The following PPM1D variants were observed in gnomAD, a reference collection of about 807,000 sequenced individuals.
PPM1D encodes the protein protein phosphatase, Mg2+/Mn2+ dependent 1D, also known as protein phosphatase 1D.
A neutral mutation model predicts 58.3 loss-of-function variants in PPM1D; 52 were observed. The observed-to-expected ratio is 0.89, with a 90% CI of 0.71 to 1.12. The LOEUF is 1.12. PPM1D is among the 50% of genes most tolerant of loss of function. The pLI is 0.00. For missense variants in PPM1D, 564 were observed against 777.2 expected (o/e 0.73, Z 3.26); for synonymous variants, 278 against 285.1 (o/e 0.98, Z 0.25).
intron 1 of PPM1D, among the ~76,000 whole-genome samples, chr17:60,603,822 A>G (rs1244630783): frequency 6.6e-6 from 1 of 151,926 alleles, no homozygotes; most frequent in African/African-American, 2.4e-5. Flanking sequence ...CTCTTGCGCT[A>G]TTTGGTTGAA....
In PPM1D at chr17:60,665,811, G is replaced by A. The variant is rs963224302; in HGVS notation, c.*2259G>A. 6.6e-6 allele frequency: 1 copy of A among 152,192 alleles called. No homozygotes were observed. The highest frequency in any genetic ancestry group is 2.4e-5 in the African/African-American group (1 of 41,460). 9.4% of individuals were successfully genotyped at this position (152,192 alleles called of 1,614,324 possible). A position where few individuals can be genotyped will look rare whatever the true frequency, so the allele number is the denominator to read the frequency against. ...AGATCTGCTTCCCGCAAGACTCACA[G>A]CTGTTGGCAGGAGACCTCAGTTTGT... On this transcript the variant is annotated 3_prime_UTR_variant, in exon 6 of 6. Coordinates refer to ENST00000305921, the MANE Select transcript of PPM1D (RefSeq NM_003620.4).
chr17:60,635,458 G>GC (rs2031005526), intron 3 of PPM1D, among the ~76,000 whole-genome samples: 1 of 151,948 alleles, frequency 6.6e-6, no homozygotes, highest in Non-Finnish European at 1.5e-5. Flanking sequence ...CAGGTGATCT[G>GC]CCCGCCTTGG....
chr17:60,625,094 A>G (rs2030779836), intron 2 of PPM1D, among the ~76,000 whole-genome samples: 2 of 152,142 alleles, frequency 1.3e-5, no homozygotes, highest in African/African-American at 4.8e-5. Flanking sequence ...GTGAGCTGAG[A>G]TTGCGCCACT....
intron 2 of PPM1D, among the ~76,000 whole-genome samples, chr17:60,627,805 T>C (rs72843555): frequency 1.3e-5 from 2 of 152,182 alleles, no homozygotes; most frequent in African/African-American, 2.4e-5. Context: ...TCTTAAGGTA[T>C]CTGAAACTTT....
chr17:60,618,212 G>A (rs2030625104), intron 1 of PPM1D, among the ~76,000 whole-genome samples: 1 of 152,152 alleles, frequency 6.6e-6, no homozygotes, highest in Non-Finnish European at 1.5e-5. Flanking sequence ...GGGCTCAAGC[G>A]ATCCCCCTGC....
intron 1 of PPM1D, among the ~76,000 whole-genome samples, chr17:60,609,391 C>T (rs768538123): frequency 6.6e-6 from 1 of 152,106 alleles, no homozygotes; most frequent in Non-Finnish European, 1.5e-5. Context: ...CCGTGCCCAG[C>T]CTGCATGGTT....
intron 2 of PPM1D, among the ~76,000 whole-genome samples, chr17:60,626,768 T>C (rs1337527179): frequency 6.6e-6 from 1 of 152,022 alleles, no homozygotes; most frequent in Non-Finnish European, 1.5e-5. Context: ...GGTCTTGAAC[T>C]CCTAGGCTCA....
intron 1 of PPM1D, among the ~76,000 whole-genome samples, chr17:60,606,040 C>T (rs933081010): frequency 6.6e-5 from 10 of 152,236 alleles, no homozygotes; most frequent in African/African-American, 2.2e-4. Flanking sequence ...AATAGAAACT[C>T]TGTGTCCATT....
At chr17:60,649,400 C>G (rs1400884543) in intron 4 of PPM1D, among the ~76,000 whole-genome samples, 1 of 152,074 alleles carries the variant, frequency 6.6e-6, no homozygotes, top group Non-Finnish European at 1.5e-5. Context: ...TAAATTGCCT[C>G]CATTCATTCC....
At position 60,633,883 on chromosome 17, in the gene PPM1D, A is replaced by G; in HGVS notation, c.732A>G (p.Val244=). 1 of 1,613,494 alleles carries G rather than the reference A, an allele frequency of 6.2e-7. No individual in the cohort carries two copies. Among genetic ancestry groups the G allele is most frequent in the Non-Finnish European group, 8.5e-7 (1 of 1,179,470 alleles). Residue 244 remains valine, a synonymous_variant, in exon 3 of 6, where the codon GTA becomes GTG. Coordinates refer to ENST00000305921, the MANE Select transcript of PPM1D (RefSeq NM_003620.4). ...SVMNKSGVNR[V]VWKRPRLTHN... is the part of the protein sequence containing the mutation. ...TGAACAAGTCTGGGGTGAATCGTGTAGTTTGGAAACGACCTCGACTCACTC... is the reference window on the plus strand; with the variant it reads ...TGAACAAGTCTGGGGTGAATCGTGTGGTTTGGAAACGACCTCGACTCACTC...
intron 5 of PPM1D, among the ~76,000 whole-genome samples, chr17:60,659,879 G>A (rs1178422053): frequency 6.6e-6 from 1 of 152,098 alleles, no homozygotes; most frequent in Non-Finnish European, 1.5e-5. Flanking sequence ...AGAAAGTAGG[G>A]GAAGGGAAGC....
chr17:60,629,865 C>T (rs1259220471), intron 2 of PPM1D, among the ~76,000 whole-genome samples: 1 of 152,082 alleles, frequency 6.6e-6, no homozygotes, highest in African/African-American at 2.4e-5. Context: ...TGGCGAAACC[C>T]TATCTCTACT....
At chr17:60,635,257 C>T (rs2031001733) in intron 3 of PPM1D, among the ~76,000 whole-genome samples, 1 of 151,732 alleles carries the variant, frequency 6.6e-6, no homozygotes, top group African/African-American at 2.4e-5. Context: ...CTCTTGTTCC[C>T]CAGGCTGGAG....
chr17:60,619,421 A>AT (rs1491543569), intron 1 of PPM1D, among the ~76,000 whole-genome samples: 32 of 152,138 alleles, frequency 2.1e-4, no homozygotes, highest in African/African-American at 7.7e-4. Context: ...TTCCTGAGTC[A>AT]TATGGTACTT....
intron 3 of PPM1D, among the ~76,000 whole-genome samples, chr17:60,638,370 A>AT (rs2031066426): frequency 6.6e-6 from 1 of 151,888 alleles, no homozygotes; most frequent in Non-Finnish European, 1.5e-5. Context: ...CACTTGGAAA[A>AT]ATTTTTTTTT....
In PPM1D at chr17:60,600,554, A is replaced by AGCCGTTGCCTCC. The variant is rs1567962216; in HGVS notation, c.143_154dup (p.Pro48_Pro51dup). 5 of 1,553,250 alleles carry AGCCGTTGCCTCC rather than the reference A, an allele frequency of 3.2e-6. No individual in the cohort carries two copies. In the South Asian group the frequency reaches 5.9e-5, roughly 18 times the overall value. ...CCCTCGCCGCGGCGGTCGCTGTCTC[A>AGCCGTTGCCTCC]GCCGTTGCCTCCGCGGCCGTCGCCG... On this transcript the variant is annotated inframe_insertion, in exon 1 of 6. Coordinates refer to ENST00000305921, the MANE Select transcript of PPM1D (RefSeq NM_003620.4).
intron 2 of PPM1D, among the ~76,000 whole-genome samples, chr17:60,628,161 T>G (rs968905813): frequency 6.6e-6 from 1 of 152,246 alleles, no homozygotes; most frequent in Non-Finnish European, 1.5e-5. Flanking sequence ...AATTGAATGC[T>G]TTTTAAAAAT....
chr17:60,604,993 A>AT (rs533823038), intron 1 of PPM1D, among the ~76,000 whole-genome samples: 7,399 of 151,610 alleles, frequency 0.049, 608 homozygotes, highest in African/African-American at 0.17. Context: ...TAATTTTTGT[A>AT]TTTTTTTTAG....
Position 60,600,293 on chromosome 17 carries a change from C to A in PPM1D, c.-122C>A, listed in dbSNP as rs2030173215. On this transcript the variant is annotated 5_prime_UTR_variant, in exon 1 of 6. Transcript: ENST00000305921. ...GCGCGCCCCCCCTTCTCCGGGTCCGCCCCCTCCCCCTTCTCGGCGTCGTCG... is the reference window on the plus strand; with the variant it reads ...GCGCGCCCCCCCTTCTCCGGGTCCGACCCCTCCCCCTTCTCGGCGTCGTCG... The A allele has an allele frequency of 2.8e-6, 4 of 1,449,644 alleles. No individual in the cohort carries two copies. In the Admixed American group the frequency reaches 1.1e-4, roughly 38 times the overall value. 89.8% of individuals were successfully genotyped at this position (1,449,644 alleles called of 1,614,324 possible).
Sources: allele counts gnomAD v4.1 joint callset (sites outside exome capture counted in the v4.1 genomes callset), GRCh38; gene constraint gnomAD v4.1.1; transcripts MANE v1.5; gene names NCBI Gene and HGNC (gene_info 2026-07-23, HGNC 2026-07-21).